The following PRUNE2 variants were observed in gnomAD, a reference collection of about 807,000 sequenced individuals.
PRUNE2 encodes the protein prune homolog 2 with BCH domain.
In PRUNE2, 164 loss-of-function variants were observed where a neutral mutation model predicts 252.0. The observed-to-expected ratio is 0.65, with a 90% CI of 0.57 to 0.74. The LOEUF (loss-of-function observed/expected upper bound fraction) is 0.74, where lower values mean the gene tolerates loss of function less well. Among genes scored for constraint, PRUNE2 ranks in the 30% least tolerant of loss-of-function variants. The pLI, the probability that PRUNE2 is intolerant of heterozygous loss-of-function variation, is 0.00. For missense variants in PRUNE2, 3,495 were observed against 3,711.0 expected, an observed-to-expected ratio of 0.94 and a Z score of 1.51; for synonymous variants, 1,292 against 1,350.2, an observed-to-expected ratio of 0.96 and a Z score of 0.94.
intron 17 of PRUNE2, among the ~76,000 whole-genome samples, chr9:76,622,528 G>A (rs1832823340): frequency 6.6e-6 from 1 of 152,072 alleles, no homozygotes. Flanking sequence ...CTTCAAAATA[G>A]CGCTTTAATT....
intron 1 of PRUNE2, among the ~76,000 whole-genome samples, chr9:76,904,992 G>A (rs1290630882): frequency 6.6e-6 from 1 of 152,272 alleles, no homozygotes; most frequent in Admixed American, 6.5e-5. Context: ...AAGGCTTAAA[G>A]GTTAAAGGCA....
chr9:76,649,595 A>C (rs545402207), intron 11 of PRUNE2, among the ~76,000 whole-genome samples: 1 of 123,994 alleles, frequency 8.1e-6, no homozygotes, highest in East Asian at 2.2e-4. Flanking sequence ...TAAAGTATAG[A>C]TAGATAGATA....
intron 1 of PRUNE2, among the ~76,000 whole-genome samples, chr9:76,897,708 A>C (rs2062925587): frequency 6.6e-6 from 1 of 151,932 alleles, no homozygotes; most frequent in South Asian, 2.1e-4. Flanking sequence ...GAGCCACTGC[A>C]CCTGGCCTGG....
Position 76,709,848 on chromosome 9 carries a change from T to C in PRUNE2, c.2426A>G (p.Asp809Gly), listed in dbSNP as rs747420410. The change falls in exon 8 of 19, where the codon GAT becomes GGT. Residue 809 changes from aspartate (D) to glycine (G), a missense_variant. Asp to Gly is a moderately conservative substitution (Grantham distance 94). Transcript: ENST00000376718. ...ATTCCAGGTATTTTTTAAAGCTTCATCATGATCTTCTTTACCAAATGCACT... is the reference window on the plus strand; with the variant it reads ...ATTCCAGGTATTTTTTAAAGCTTCACCATGATCTTCTTTACCAAATGCACT... ...AWSAFGKEDH[D>G]EALKNTWNLH... The C allele has an allele frequency of 4.1e-5, 66 of 1,613,804 alleles. No homozygotes were observed. In the East Asian group the frequency reaches 1.2e-3, roughly 28 times the overall value.
intron 17 of PRUNE2, among the ~76,000 whole-genome samples, chr9:76,620,134 C>T (rs965693063): frequency 8.3e-5 from 11 of 132,372 alleles, no homozygotes; most frequent in African/African-American, 3.1e-4. Flanking sequence ...TTATACCCCT[C>T]CCATAATTTT....
At chr9:76,648,558 C>A (rs1261566219) in intron 11 of PRUNE2, among the ~76,000 whole-genome samples, 1 of 152,166 alleles carries the variant, frequency 6.6e-6, no homozygotes, top group East Asian at 1.9e-4. Flanking sequence ...GGAAGCCAGT[C>A]TGAAAAAGCT....
intron 6 of PRUNE2, among the ~76,000 whole-genome samples, chr9:76,717,324 G>T (rs1360417075): frequency 1.3e-5 from 2 of 152,166 alleles, no homozygotes; most frequent in Non-Finnish European, 2.9e-5. Context: ...TTTTATGCCG[G>T]TGCTGTTTGC....
chr9:76,711,268 C>T lies in PRUNE2; in HGVS notation c.1006G>A (p.Glu336Lys), dbSNP rs1304996499. 1 of 1,613,912 alleles carries T rather than the reference C, an allele frequency of 6.2e-7. No homozygotes were observed. The highest frequency in any genetic ancestry group is 8.5e-7 in the Non-Finnish European group (1 of 1,179,854). Reference sequence around the variant, plus strand: ...TGATCACAAGTCACTGAAGGGTCCTCTTGTTGGTACACCAGGATCTCATCA... The same window carrying T: ...TGATCACAAGTCACTGAAGGGTCCTTTTGTTGGTACACCAGGATCTCATCA... ...GCDEILVYQQ[E>K]DPSVTCDQVV... Residue 336 changes from glutamate (E) to lysine (K), a missense_variant, in exon 8 of 19, where the codon GAG (glutamate) becomes AAG (lysine). Physicochemically the swap from Glu to Lys is moderately conservative, Grantham distance 56. Transcript: ENST00000376718.
intron 6 of PRUNE2, among the ~76,000 whole-genome samples, chr9:76,814,282 A>G (rs1219470515): frequency 6.6e-6 from 1 of 152,202 alleles, no homozygotes; most frequent in East Asian, 1.9e-4. Flanking sequence ...ATATTCTGAG[A>G]CACCTGAGGT....
At chr9:76,837,483 T>C (rs986550492) in intron 4 of PRUNE2, among the ~76,000 whole-genome samples, 1 of 30,320 alleles carries the variant, frequency 3.3e-5, no homozygotes, top group South Asian at 5.5e-4. Flanking sequence ...ATAATGCTAT[T>C]AAAGCAATCC....
chr9:76,853,100 T>A (rs1362313752), intron 2 of PRUNE2, among the ~76,000 whole-genome samples: 1 of 152,214 alleles, frequency 6.6e-6, no homozygotes, highest in Non-Finnish European at 1.5e-5. Context: ...TATCTCCTCA[T>A]ACCAATTAAT....
At chr9:76,663,604 T>A (rs1379906271) in intron 9 of PRUNE2, among the ~76,000 whole-genome samples, 1 of 152,204 alleles carries the variant, frequency 6.6e-6, no homozygotes, top group Non-Finnish European at 1.5e-5. Context: ...TGTACATGGT[T>A]TTGCATGTCA....
At chr9:76,846,466 G>A (rs1356141233) in intron 4 of PRUNE2, 49 bp downstream of exon 4, 2 of 1,521,010 alleles carry the variant, frequency 1.3e-6, no homozygotes, top group Non-Finnish European at 1.8e-6. Flanking sequence ...CAGGCTGGGA[G>A]ACACTCCATT....
chr9:76,884,558 T>G (rs960452007), intron 1 of PRUNE2, among the ~76,000 whole-genome samples: 1 of 152,256 alleles, frequency 6.6e-6, no homozygotes, highest in Non-Finnish European at 1.5e-5. Flanking sequence ...AAGGACTTTA[T>G]GTGCACAGTG....
chr9:76,854,058 A>G, intron 2 of PRUNE2, 46 bp downstream of exon 2: 1 of 933,448 alleles, frequency 1.1e-6, no homozygotes, highest in East Asian at 2.6e-5. Context: ...CTTAAAAGTT[A>G]CATAATAATT....
At position 76,614,491 on chromosome 9, in the gene PRUNE2, C is replaced by CA; in HGVS notation, c.*78dup. 1 of 1,206,238 alleles carries CA rather than the reference C, an allele frequency of 8.3e-7. No individual in the cohort carries two copies. The highest frequency in any genetic ancestry group is 1.3e-5 in the South Asian group (1 of 79,104). 74.7% of individuals were successfully genotyped at this position (1,206,238 alleles called of 1,614,324 possible). On this transcript the variant is annotated 3_prime_UTR_variant, in exon 19 of 19. Coordinates refer to ENST00000376718, the MANE Select transcript of PRUNE2 (RefSeq NM_015225.3). ...AGTGCAAAGTGGAAAAAGGTAACATCAGCCCTGTCTCTTTCAGGTAGATAT... is the reference window on the plus strand; with the variant it reads ...AGTGCAAAGTGGAAAAAGGTAACATCAAGCCCTGTCTCTTTCAGGTAGATAT...
intron 6 of PRUNE2, among the ~76,000 whole-genome samples, chr9:76,781,568 T>C (rs1047718310): frequency 2.6e-5 from 4 of 152,240 alleles, no homozygotes; most frequent in East Asian, 1.9e-4. Context: ...CCCTATCTAA[T>C]GTAAAATAGG....
intron 18 of PRUNE2, among the ~76,000 whole-genome samples, chr9:76,618,196 T>C (rs1213076685): frequency 6.6e-6 from 1 of 152,220 alleles, no homozygotes; most frequent in Non-Finnish European, 1.5e-5. Context: ...TGGCCCAGTC[T>C]TTGCTCTTTG....
intron 9 of PRUNE2, among the ~76,000 whole-genome samples, chr9:76,656,448 C>CTTAA (rs1849278643): frequency 6.6e-6 from 1 of 152,090 alleles, no homozygotes; most frequent in Non-Finnish European, 1.5e-5. Context: ...AATTTAGTCC[C>CTTAA]CTTCTGCCTC....
Sources: gnomAD v4.1 joint callset for allele counts (sites outside exome capture counted in the v4.1 genomes callset) on GRCh38, gnomAD v4.1.1 for gene constraint, MANE v1.5 for transcripts, NCBI Gene and HGNC (gene_info 2026-07-23, HGNC 2026-07-21) for gene names.